Variants in SYNM observed in about 807,000 individuals in gnomAD.
SYNM encodes synemin, also known as desmuslin.
Under a neutral mutation model 104.0 loss-of-function variants are expected in SYNM, and 95 were observed. The observed-to-expected ratio is 0.91, with a 90% CI of 0.77 to 1.08. The LOEUF is 1.08. SYNM is among the 50% of genes least tolerant of loss of function. SYNM has a pLI of 0.00. For synonymous variants in SYNM, 918 were observed against 869.0 expected, an observed-to-expected ratio of 1.06 and a Z score of -0.99; for missense variants, 2,150 against 2,052.2, an observed-to-expected ratio of 1.05 and a Z score of -0.92.
chr15:99,132,126 G>C lies in SYNM; in HGVS notation c.3766G>C (p.Val1256Leu). 1 of 1,614,032 alleles carries C rather than the reference G, an allele frequency of 6.2e-7. No homozygotes were observed. Among genetic ancestry groups the C allele is most frequent in the Admixed American group, 1.7e-5 (1 of 60,034 alleles). ...TGATTATTTTGCAACAGAAGAGTCA[G>C]TGGGTACCCAGACTTCTGTCAGGCA... is the stretch of plus-strand genomic sequence containing the variant. ...VGDYFATEES[V>L]GTQTSVRQLQ... The change falls in exon 4 of 4, where the codon GTG becomes CTG. Residue 1256 changes from valine (V) to leucine (L), a missense_variant. Physicochemically the swap from Val to Leu is conservative, Grantham distance 32. Coordinates refer to ENST00000336292, the MANE Select transcript of SYNM (RefSeq NM_145728.3).
chr15:99,119,868 G>A (rs1238675582), intron 2 of SYNM, among the ~76,000 whole-genome samples: 4 of 152,174 alleles, frequency 2.6e-5, no homozygotes, highest in African/African-American at 4.8e-5. Flanking sequence ...GTGAACATGC[G>A]ACTACATTTG....
chr15:99,126,679 C>T (rs1555485046), intron 2 of SYNM, 43 bp from the exon 3 acceptor site: 2 of 1,535,270 alleles, frequency 1.3e-6, no homozygotes, highest in Non-Finnish European at 1.8e-6. Context: ...ACTTCTTACT[C>T]TTTCGTTTCC....
Position 99,130,768 on chromosome 15 carries a change from G to A in SYNM, c.2408G>A (p.Arg803Gln), listed in dbSNP as rs1444884906. ...SDVTFSVNQH[R>Q]RTKQPQENTT... is the part of the protein sequence containing the mutation. ...GTCACATTCTCAGTTAATCAGCATC[G>A]AAGGACCAAGCAGCCTCAGGAGAAC... is the stretch of plus-strand genomic sequence containing the variant. Residue 803 changes from arginine to glutamine, a missense_variant, in exon 4 of 4, where the codon CGA (arginine) becomes CAA (glutamine). Coordinates refer to ENST00000336292, the MANE Select transcript of SYNM (RefSeq NM_145728.3). 3.1e-6 allele frequency: 5 copies of A among 1,613,834 alleles called. No homozygotes were observed. The highest frequency in any genetic ancestry group is 2.7e-5 in the African/African-American group (2 of 74,910).
At position 99,131,129 on chromosome 15, in the gene SYNM, T is replaced by C; in HGVS notation, c.2769T>C (p.Ile923=). 1 of 1,600,026 alleles carries C rather than the reference T, an allele frequency of 6.2e-7. No individual in the cohort carries two copies. Among genetic ancestry groups the C allele is most frequent in the East Asian group, 2.3e-5 (1 of 44,356 alleles). The part of the protein sequence containing the change: ...SGEFHAEPTV[I]EKEIKIPHEF... ...AATTTCATGCCGAACCCACAGTCAT[T>C]GAAAAAGAAATTAAAATACCCCACG... Residue 923 remains isoleucine, a synonymous_variant, in exon 4 of 4, where the codon ATT becomes ATC. Transcript: ENST00000336292. This position sits in a 1 kb window ranked among gnomAD's most constrained non-coding sequence, Gnocchi z 4.3.
At chr15:99,129,092 A>G (rs1457899046) in intron 3 of SYNM, 1 of 438,384 alleles carries the variant, frequency 2.3e-6, no homozygotes, top group Non-Finnish European at 4.1e-6. Flanking sequence ...GTGCTTTATG[A>G]TTAATGTTAA....
At position 99,133,350 on chromosome 15, in the gene SYNM, C is replaced by A; in HGVS notation, c.*292C>A. 1 of 399,078 alleles carries A rather than the reference C, an allele frequency of 2.5e-6. No individual in the cohort carries two copies. The highest frequency in any genetic ancestry group is 4.5e-6 in the Non-Finnish European group (1 of 224,014). 24.7% of individuals were successfully genotyped at this position (399,078 alleles called of 1,614,324 possible). On this transcript the variant is annotated 3_prime_UTR_variant, in exon 4 of 4. Coordinates refer to ENST00000336292, the MANE Select transcript of SYNM (RefSeq NM_145728.3). Reference sequence around the variant, plus strand: ...GGAGATGAATTTCTATGTTTTGCACCTGGTCACAGACATGGCTTGCATCTG... The same window carrying A: ...GGAGATGAATTTCTATGTTTTGCACATGGTCACAGACATGGCTTGCATCTG...
At chr15:99,124,165 T>C (rs1420940157) in intron 2 of SYNM, among the ~76,000 whole-genome samples, 2 of 152,256 alleles carry the variant, frequency 1.3e-5, no homozygotes, top group Non-Finnish European at 2.9e-5. Flanking sequence ...CCTCCACCGC[T>C]CTCAAAATAA....
chr15:99,112,218 G>A (rs12437673), intron 1 of SYNM, among the ~76,000 whole-genome samples: 16,120 of 152,164 alleles, frequency 0.11, 1,243 homozygotes, highest in East Asian at 0.44. Flanking sequence ...TAGTCTTACC[G>A]TTTTTGAATT....
In SYNM at chr15:99,130,578, A is replaced by G; in HGVS notation, c.2218A>G (p.Arg740Gly). 1 of 1,613,726 alleles carries G rather than the reference A, an allele frequency of 6.2e-7. No individual in the cohort carries two copies. ...CCTCGGCCTGAAAGGGAGGGAGGGG[A>G]GAGCAAAGGTCGTCAACGTGGAGAT... The part of the protein sequence containing the change: ...INLGLKGREG[R>G]AKVVNVEIVE... Residue 740 changes from arginine (R) to glycine (G), a missense_variant, in exon 4 of 4, where the codon AGA becomes GGA. Transcript: ENST00000336292.
Position 99,105,615 on chromosome 15 carries a change from C to T in SYNM, c.416C>T (p.Ala139Val), listed in dbSNP as rs1555482479. ...ALEALLGRLQ[A>V]ERRGLDAAHE... The stretch of plus-strand genomic sequence containing the variant: ...GAGGCGCTGCTGGGCCGGCTGCAGG[C>T]CGAGCGCCGAGGCCTCGACGCGGCC... Residue 139 changes from alanine (A) to valine (V), a missense_variant, in exon 1 of 4, where the codon GCC (alanine) becomes GTC (valine). Transcript: ENST00000336292. The T allele has an allele frequency of 4.7e-6, 6 of 1,276,900 alleles. No homozygotes were observed. The highest frequency in any genetic ancestry group is 4.0e-5 in the Admixed American group (1 of 24,762). 79.1% of individuals were successfully genotyped at this position (1,276,900 alleles called of 1,614,324 possible).
At chr15:99,114,089 G>T (rs561892490) in intron 2 of SYNM, among the ~76,000 whole-genome samples, 3 of 130,946 alleles carry the variant, frequency 2.3e-5, no homozygotes, top group Admixed American at 1.5e-4. Flanking sequence ...AAAGTGGAGG[G>T]CCAGGATGTG....
rs61402821 is a variant in SYNM at position 99,123,355 on chromosome 15, G to A, written c.936-3367G>A. 8.3e-3 allele frequency among the ~76,000 whole-genome samples: 1,246 copies of A among 150,230 alleles called. 19 individuals are homozygous for A. Among genetic ancestry groups the A allele is most frequent in the African/African-American group, 0.029 (1,165 of 40,538 alleles). The stretch of plus-strand genomic sequence containing the variant: ...TGACCTAGAGATGGCTCTGGGATGT[G>A]GTTGAATACTGACCCCAGAAGCGAT... On this transcript the variant is annotated intron_variant, in intron 2 of 3. Transcript: ENST00000336292.
In SYNM at chr15:99,105,752, G is replaced by C. The variant is rs2067230920; in HGVS notation, c.553G>C (p.Asp185His). The C allele has an allele frequency of 1.3e-6, 2 of 1,532,208 alleles. No homozygotes were observed. The highest frequency in any genetic ancestry group is 1.8e-6 in the Non-Finnish European group (2 of 1,141,770). 94.9% of individuals were successfully genotyped at this position (1,532,208 alleles called of 1,614,324 possible). A position where few individuals can be genotyped will look rare whatever the true frequency, so the allele number is the denominator to read the frequency against. ...APPPRLREVH[D>H]SYALLVAESW... is the part of the protein sequence containing the mutation. ...GCCGCCACGCCTGCGGGAGGTGCAC[G>C]ACAGCTACGCACTGCTGGTGGCCGA... Residue 185 changes from aspartate to histidine, a missense_variant, in exon 1 of 4, where the codon GAC (aspartate) becomes CAC (histidine). Transcript: ENST00000336292.
intron 1 of SYNM, among the ~76,000 whole-genome samples, chr15:99,109,814 G>C (rs940652846): frequency 6.6e-6 from 1 of 152,158 alleles, no homozygotes; most frequent in Admixed American, 6.5e-5. Flanking sequence ...GGTTTTTCGG[G>C]GATGCCTCAG....
At chr15:99,107,773 C>A (rs1329659630) in intron 1 of SYNM, among the ~76,000 whole-genome samples, 1 of 152,086 alleles carries the variant, frequency 6.6e-6, no homozygotes, top group South Asian at 2.1e-4. Flanking sequence ...ACTCCAGGGC[C>A]CACCGGGGAA....
chr15:99,119,218 A>G (rs527700218), intron 2 of SYNM, among the ~76,000 whole-genome samples: 4 of 152,136 alleles, frequency 2.6e-5, no homozygotes, highest in Non-Finnish European at 5.9e-5. Context: ...AGTGGTTTCA[A>G]ACCTCCCTGG....
chr15:99,105,421 G>A lies in SYNM; in HGVS notation c.222G>A (p.Leu74=). 6.7e-7 allele frequency: 1 copy of A among 1,488,494 alleles called. No homozygotes were observed. The highest frequency in any genetic ancestry group is 1.3e-5 in the South Asian group (1 of 78,772). The allele number at this position is 1,488,494 out of a possible 1,614,324, so 92.2% of individuals were successfully genotyped here. ...ARSLRQQLDE[L]SWATALAEGE... Reference sequence around the variant, plus strand: ...GCTTGCGGCAGCAGCTGGACGAGCTGAGCTGGGCCACTGCGCTGGCGGAGG... The same window carrying A: ...GCTTGCGGCAGCAGCTGGACGAGCTAAGCTGGGCCACTGCGCTGGCGGAGG... Residue 74 remains leucine, a synonymous_variant, in exon 1 of 4, where the codon CTG becomes CTA. Transcript: ENST00000336292.
chr15:99,114,695 G>T (rs987994384), intron 2 of SYNM, among the ~76,000 whole-genome samples: 5 of 152,084 alleles, frequency 3.3e-5, no homozygotes, highest in African/African-American at 9.7e-5. Flanking sequence ...GCTGGGTGCT[G>T]GGTGGGGCAG....
At chr15:99,140,980 A>G in the SYNM span, 1 of 152,238 alleles carries the variant, frequency 6.6e-6, no homozygotes, top group Admixed American at 6.5e-5. Flanking sequence ...TTGAAATCTG[A>G]TGAAATAAAC....
Sources: gnomAD v4.1 joint callset for allele counts (sites outside exome capture counted in the v4.1 genomes callset) on GRCh38, gnomAD v4.1.1 for gene constraint, Gnocchi (gnomAD v3.1) non-coding constraint, MANE v1.5 for transcripts, NCBI Gene and HGNC (gene_info 2026-07-23, HGNC 2026-07-21) for gene names.